Variants in POU6F2 observed in about 807,000 individuals in gnomAD.
POU6F2 encodes POU class 6 homeobox 2.
Under a neutral mutation model 71.3 loss-of-function variants are expected in POU6F2, and 31 were observed. The observed-to-expected ratio is 0.43, with a 90% CI of 0.33 to 0.59. POU6F2 has a LOEUF of 0.59. POU6F2 is among the 20% of genes least tolerant of loss of function. The probability of loss-of-function intolerance (pLI) is 0.04; values close to 1 mark genes in which losing one functional copy is unlikely to be tolerated. For synonymous variants in POU6F2, 347 were observed against 355.7 expected, an observed-to-expected ratio of 0.98 and a Z score of 0.27; for missense variants, 783 against 856.8, an observed-to-expected ratio of 0.91 and a Z score of 1.07.
intron 4 of POU6F2, among the ~76,000 whole-genome samples, chr7:39,267,273 G>A (rs1391990140): frequency 6.6e-6 from 1 of 152,106 alleles, no homozygotes; most frequent in Non-Finnish European, 1.5e-5. Context: ...AATGGGATTG[G>A]GCTCTTGGAT....
intron 2 of POU6F2, among the ~76,000 whole-genome samples, chr7:39,170,777 C>T (rs187221707): frequency 2.3e-4 from 35 of 151,986 alleles, no homozygotes; most frequent in Non-Finnish European, 4.1e-4. Flanking sequence ...ATGTTTGAGG[C>T]GACAGGTATC....
intron 1 of POU6F2, among the ~76,000 whole-genome samples, chr7:39,063,329 A>G (rs1231024139): frequency 1.3e-5 from 2 of 152,196 alleles, no homozygotes; most frequent in Admixed American, 1.3e-4. Flanking sequence ...GGCAACAATT[A>G]TAGCAGAAAA....
At chr7:39,430,277 C>T (rs1788069526) in intron 6 of POU6F2, among the ~76,000 whole-genome samples, 1 of 152,204 alleles carries the variant, frequency 6.6e-6, no homozygotes, top group African/African-American at 2.4e-5. Flanking sequence ...ATAAGAAATG[C>T]ATAGTGCCAC....
intron 5 of POU6F2, among the ~76,000 whole-genome samples, chr7:39,391,713 T>G (rs1787079340): frequency 6.6e-6 from 1 of 152,228 alleles, no homozygotes; most frequent in Admixed American, 6.5e-5. Flanking sequence ...TCTGCAGTAC[T>G]GTCCTTCAGT....
At chr7:39,397,617 C>T (rs957154926) in intron 5 of POU6F2, among the ~76,000 whole-genome samples, 1 of 148,210 alleles carries the variant, frequency 6.7e-6, no homozygotes, top group African/African-American at 2.5e-5. Context: ...CTCAGGCTCC[C>T]GAGTAGCTAG....
chr7:39,126,124 G>A (rs1056794674), intron 2 of POU6F2, among the ~76,000 whole-genome samples: 7 of 152,166 alleles, frequency 4.6e-5, no homozygotes, highest in Admixed American at 1.3e-4. Context: ...GCTCTTACAC[G>A]AGACAGCAAG....
Position 39,464,764 on chromosome 7 carries a change from A to C in POU6F2, c.*78A>C. On this transcript the variant is annotated 3_prime_UTR_variant, in exon 10 of 10. Coordinates refer to ENST00000518318, the MANE Select transcript of POU6F2 (RefSeq NM_001370959.1). This position sits in a 1 kb window ranked among gnomAD's most constrained non-coding sequence, Gnocchi z 4.1. ...CTTGGGACTCCACAACAACAACAAC[A>C]ACAAAATTTAATTTAATTTAAAAAT... 8.5e-6 allele frequency: 12 copies of C among 1,417,258 alleles called. No individual in the cohort carries two copies. The highest frequency in any genetic ancestry group is 1.1e-5 in the Non-Finnish European group (12 of 1,070,918). 87.8% of individuals were successfully genotyped at this position (1,417,258 alleles called of 1,614,324 possible).
intron 5 of POU6F2, among the ~76,000 whole-genome samples, chr7:39,396,089 A>T (rs1239092554): frequency 6.6e-6 from 1 of 152,224 alleles, no homozygotes; most frequent in Non-Finnish European, 1.5e-5. Flanking sequence ...TTTTCAGGTT[A>T]TTAAATGGAA....
chr7:39,034,434 C>T (rs140865112), intron 1 of POU6F2: 4,179 of 395,674 alleles, frequency 0.011, 45 homozygotes, highest in Non-Finnish European at 0.014. Flanking sequence ...GAAGTGTTCT[C>T]GGCAGGAGCA....
intron 7 of POU6F2, among the ~76,000 whole-genome samples, chr7:39,437,150 A>G (rs1183391789): frequency 6.6e-6 from 1 of 152,154 alleles, no homozygotes; most frequent in African/African-American, 2.4e-5. Flanking sequence ...TTAGTTAAGG[A>G]GGAGTCCCTC....
intron 1 of POU6F2, among the ~76,000 whole-genome samples, chr7:39,047,241 C>CA (rs1221897717): frequency 3.3e-5 from 5 of 151,470 alleles, no homozygotes; most frequent in East Asian, 1.9e-4. Context: ...TCATTTTTCA[C>CA]AAAAAAAGCC....
chr7:39,248,509 C>G (rs1014724809), intron 4 of POU6F2, among the ~76,000 whole-genome samples: 1 of 152,168 alleles, frequency 6.6e-6, no homozygotes, highest in African/African-American at 2.4e-5. Flanking sequence ...TCCACTACAG[C>G]GGGCGCCCAG....
chr7:39,353,968 T>A (rs1330332925), intron 5 of POU6F2, among the ~76,000 whole-genome samples: 1 of 152,146 alleles, frequency 6.6e-6, no homozygotes, highest in Admixed American at 6.5e-5. Context: ...TCCAGTGAGT[T>A]ACATCGGCCC....
At chr7:39,288,715 A>C (rs1784694897) in intron 4 of POU6F2, among the ~76,000 whole-genome samples, 1 of 152,190 alleles carries the variant, frequency 6.6e-6, no homozygotes, top group Non-Finnish European at 1.5e-5. Flanking sequence ...GATGCTGACA[A>C]CACCACTAGG....
At chr7:39,356,491 T>C (rs1786263182) in intron 5 of POU6F2, among the ~76,000 whole-genome samples, 1 of 152,244 alleles carries the variant, frequency 6.6e-6, no homozygotes, top group Non-Finnish European at 1.5e-5. Context: ...ATTTGCTCTT[T>C]AAGTCTTTTT....
intron 2 of POU6F2, among the ~76,000 whole-genome samples, chr7:39,155,835 A>C (rs1253048651): frequency 6.6e-6 from 1 of 152,196 alleles, no homozygotes; most frequent in African/African-American, 2.4e-5. Context: ...TTTTATCTAT[A>C]TATTTTTATA....
At chr7:39,412,778 C>CTTTGTTTTTTTTTT (rs1787578060) in intron 6 of POU6F2, among the ~76,000 whole-genome samples, 1 of 23,168 alleles carries the variant, frequency 4.3e-5, no homozygotes, top group African/African-American at 1.2e-4. Context: ...GTTTTCTTGC[C>CTTTGTTTTTTTTTT]TTTTTTTTTT....
At chr7:39,049,922 T>A (rs1005406782) in intron 1 of POU6F2, among the ~76,000 whole-genome samples, 1 of 152,040 alleles carries the variant, frequency 6.6e-6, no homozygotes, top group African/African-American at 2.4e-5. Flanking sequence ...AAATGTCTAT[T>A]CACTGCTATT....
chr7:39,018,736 A>G (rs958694533), intron 1 of POU6F2, among the ~76,000 whole-genome samples: 2 of 152,212 alleles, frequency 1.3e-5, no homozygotes, highest in Non-Finnish European at 2.9e-5. Flanking sequence ...TCATAGGTTA[A>G]GACATATAAC....
Sources: allele counts gnomAD v4.1 joint callset (sites outside exome capture counted in the v4.1 genomes callset), GRCh38; gene constraint gnomAD v4.1.1; non-coding constraint Gnocchi (gnomAD v3.1); transcripts MANE v1.5; gene names NCBI Gene and HGNC (gene_info 2026-07-23, HGNC 2026-07-21).